The following NPHP1 variants were observed in gnomAD, a reference collection of about 807,000 sequenced individuals.
NPHP1 encodes nephrocystin-1.
In NPHP1, 70 loss-of-function variants were observed where a neutral mutation model predicts 90.4. That is an observed-to-expected ratio of 0.77 (90% confidence interval 0.64 to 0.95). The LOEUF is 0.95. Ranked by LOEUF, NPHP1 falls within the 40% of genes least tolerant of loss-of-function variation. The pLI, the probability that NPHP1 is intolerant of heterozygous loss-of-function variation, is 0.00. For missense variants in NPHP1, 764 were observed against 795.9 expected, an observed-to-expected ratio of 0.96 and a Z score of 0.48; for synonymous variants, 256 against 271.7, an observed-to-expected ratio of 0.94 and a Z score of 0.57.
intron 1 of NPHP1, among the ~76,000 whole-genome samples, chr2:110,204,012 T>C (rs1446219691): frequency 1.3e-5 from 2 of 152,140 alleles, no homozygotes; most frequent in African/African-American, 4.8e-5. Flanking sequence ...AAATACCATA[T>C]TAGCCTGTTC....
intron 16 of NPHP1, among the ~76,000 whole-genome samples, chr2:110,136,033 A>T (rs1250348486): frequency 1.3e-5 from 2 of 152,160 alleles, no homozygotes; most frequent in Non-Finnish European, 2.9e-5. Context: ...CAAATCAATA[A>T]ATGTAATCCA....
chr2:110,184,286 T>C (rs1347548968), intron 2 of NPHP1: 7 of 597,996 alleles, frequency 1.2e-5, no homozygotes, highest in South Asian at 3.0e-5. Flanking sequence ...TCACGGAGCA[T>C]GGCATTGTCA....
chr2:110,126,689 G>A (rs1045898542), intron 18 of NPHP1: 4 of 152,598 alleles, frequency 2.6e-5, no homozygotes, highest in Admixed American at 2.6e-4. Context: ...AACTGTGCTA[G>A]GTAAGTAAAC....
chr2:110,189,623 C>A (rs926903435), intron 2 of NPHP1, among the ~76,000 whole-genome samples: 2 of 152,102 alleles, frequency 1.3e-5, no homozygotes, highest in Non-Finnish European at 2.9e-5. Flanking sequence ...ATTGCTGGCT[C>A]CGGCAGCCTG....
intron 16 of NPHP1, among the ~76,000 whole-genome samples, chr2:110,141,198 C>A (rs907766805): frequency 2.6e-5 from 4 of 152,154 alleles, no homozygotes; most frequent in Non-Finnish European, 5.9e-5. Flanking sequence ...TTCATTTGAA[C>A]AAATTTTATG....
intron 12 of NPHP1, among the ~76,000 whole-genome samples, chr2:110,149,761 G>T (rs1257249049): frequency 6.6e-6 from 1 of 152,154 alleles, no homozygotes; most frequent in Non-Finnish European, 1.5e-5. Flanking sequence ...ATGCAATGCT[G>T]ACTCAGTGGT....
Position 110,165,041 on chromosome 2 carries a change from C to A in NPHP1, c.728+11G>T, listed in dbSNP as rs1682621411. The A allele has an allele frequency of 1.9e-6, 3 of 1,599,420 alleles. No homozygotes were observed. The East Asian group carries it at 6.7e-5, about 36-fold the overall frequency. On this transcript the variant is annotated intron_variant, in intron 7 of 19. Coordinates refer to ENST00000445609, the MANE Select transcript of NPHP1 (RefSeq NM_001128178.3). Reference sequence around the variant, plus strand: ...CTAAACCTACTTTGATATCCTTTCCCACTTTTGTACCTTTGCTTAACTTCT... The same window carrying A: ...CTAAACCTACTTTGATATCCTTTCCAACTTTTGTACCTTTGCTTAACTTCT...
intron 6 of NPHP1, 150 bp downstream of exon 6, chr2:110,168,302 T>C (rs1395984185): frequency 2.2e-5 from 14 of 636,282 alleles, no homozygotes; most frequent in African/African-American, 2.0e-4. Context: ...ATACACAATG[T>C]TTTTCCCAGG....
intron 15 of NPHP1, 44 bp from the exon 16 acceptor site, chr2:110,143,685 T>A: frequency 1.6e-6 from 2 of 1,246,144 alleles, no homozygotes; most frequent in Non-Finnish European, 2.4e-6. Flanking sequence ...TTTAAGTACT[T>A]GAGACAGTGA....
chr2:110,152,135 A>G lies in NPHP1; in HGVS notation c.1084-1879T>C, dbSNP rs181162717. 2.0e-5 allele frequency among the ~76,000 whole-genome samples: 3 copies of G among 152,222 alleles called. No homozygotes were observed. In the East Asian group the frequency reaches 5.8e-4, roughly 29 times the overall value. ...ACTGAAGAGTCAAAATAATTTACAG[A>G]GATTTCGTTCAGCAAACTGCATTAA... On this transcript the variant is annotated intron_variant, in intron 11 of 19. Coordinates refer to ENST00000445609, the MANE Select transcript of NPHP1 (RefSeq NM_001128178.3).
chr2:110,161,836 G>A, intron 9 of NPHP1, 139 bp from the exon 10 acceptor site: 1 of 630,154 alleles, frequency 1.6e-6, no homozygotes, highest in Non-Finnish European at 2.8e-6. Context: ...TTCCAAAATA[G>A]AAGCGCCAAT....
chr2:110,123,973 T>C lies in NPHP1; in HGVS notation c.1852A>G (p.Arg618Gly), dbSNP rs1368382399. Reference sequence around the variant, plus strand: ...GTCTCAGTCTCTTCTTCTGCCCACCTGAATGGGGGTAGGCGTGTGGAGTGG... The same window carrying C: ...GTCTCAGTCTCTTCTTCTGCCCACCCGAATGGGGGTAGGCGTGTGGAGTGG... ...LLHSTRLPPF[R>G]WAEEETETAR... The change falls in exon 20 of 20, where the codon AGG becomes GGG. Residue 618 changes from arginine (R) to glycine (G), a missense_variant. By Grantham distance (125) the Arg-to-Gly change is moderately radical (BLOSUM62 -2). Coordinates refer to ENST00000445609, the MANE Select transcript of NPHP1 (RefSeq NM_001128178.3). 3 of 1,614,064 alleles carry C rather than the reference T, an allele frequency of 1.9e-6. No homozygotes were observed. Among genetic ancestry groups the C allele is most frequent in the Non-Finnish European group, 2.5e-6 (3 of 1,179,936 alleles).
At chr2:110,187,943 A>G (rs1684413114) in intron 2 of NPHP1, among the ~76,000 whole-genome samples, 1 of 152,198 alleles carries the variant, frequency 6.6e-6, no homozygotes. Flanking sequence ...AATGCAGAAA[A>G]GGCTTTCAAT....
intron 11 of NPHP1, among the ~76,000 whole-genome samples, chr2:110,155,989 C>T (rs1681858305): frequency 6.6e-6 from 1 of 151,776 alleles, no homozygotes. Flanking sequence ...ACCCAGATCT[C>T]ATCTTGACTT....
chr2:110,133,783 T>C (rs1350001126), intron 16 of NPHP1, among the ~76,000 whole-genome samples: 3 of 150,800 alleles, frequency 2.0e-5, no homozygotes, highest in Non-Finnish European at 4.4e-5. Context: ...TAAACAACAA[T>C]GGCTCAAAGA....
In NPHP1 at chr2:110,178,052, T is replaced by A. The variant is rs1683625371; in HGVS notation, c.329+371A>T. ...CACCACACTCAGTCTTTGCTTCAAA[T>A]TTTTAAAGAATGTTTATGAAAGGGA... On this transcript the variant is annotated intron_variant, in intron 4 of 19. Transcript: ENST00000445609. 4 of 272,450 alleles carry A rather than the reference T, an allele frequency of 1.5e-5. No homozygotes were observed. In the South Asian group the frequency reaches 2.1e-4, roughly 14 times the overall value. The allele number at this position is 272,450 out of a possible 1,614,324, so 16.9% of individuals were successfully genotyped here. A position where few individuals can be genotyped will look rare whatever the true frequency, so the allele number is the denominator to read the frequency against.
intron 12 of NPHP1, among the ~76,000 whole-genome samples, chr2:110,149,747 G>A (rs3789727): frequency 0.16 from 24,296 of 152,076 alleles, 2,604 homozygotes; most frequent in East Asian, 0.44. Context: ...TCCTCCCTAC[G>A]TCTATGCAAT....
At chr2:110,193,516 A>G (rs1046194070) in intron 2 of NPHP1, among the ~76,000 whole-genome samples, 1 of 152,184 alleles carries the variant, frequency 6.6e-6, no homozygotes, top group African/African-American at 2.4e-5. Context: ...GCAAGTCCTT[A>G]GAGACCTAGA....
chr2:110,197,528 A>G (rs1321038257), intron 2 of NPHP1, among the ~76,000 whole-genome samples: 2 of 152,096 alleles, frequency 1.3e-5, no homozygotes, highest in African/African-American at 2.4e-5. Context: ...CCAGTGTAAC[A>G]TAAAACACGT....
Sources: allele counts gnomAD v4.1 joint callset (sites outside exome capture counted in the v4.1 genomes callset), GRCh38; gene constraint gnomAD v4.1.1; transcripts MANE v1.5; gene names NCBI Gene and HGNC (gene_info 2026-07-23, HGNC 2026-07-21).